RORA: variants seen among roughly 807,000 people sequenced by gnomAD.
The protein encoded by RORA is RAR related orphan receptor A.
A neutral mutation model predicts 69.5 loss-of-function variants in RORA; 7 were observed. The ratio of observed to expected loss-of-function variants is 0.10; its 90% confidence interval spans 0.06 to 0.19. RORA has a LOEUF of 0.19. Among genes scored for constraint, RORA ranks in the 10% least tolerant of loss-of-function variants. The probability of loss-of-function intolerance (pLI) is 1.00; values close to 1 mark genes in which losing one functional copy is unlikely to be tolerated. For missense variants in RORA, 457 were observed against 663.0 expected (o/e 0.69, Z 3.41); for synonymous variants, 261 against 240.8 (o/e 1.08, Z -0.78).
At chr15:60,780,365 C>T (rs2072235738) in intron 1 of RORA, among the ~76,000 whole-genome samples, 1 of 152,158 alleles carries the variant, frequency 6.6e-6, no homozygotes, top group African/African-American at 2.4e-5. Flanking sequence ...AACCACTGGG[C>T]TGGTCTAGAG....
At chr15:60,874,303 A>T (rs2073590535) in intron 1 of RORA, among the ~76,000 whole-genome samples, 1 of 152,148 alleles carries the variant, frequency 6.6e-6, no homozygotes, top group Non-Finnish European at 1.5e-5. Flanking sequence ...TTTTTTTCAA[A>T]AATATGCATT....
At chr15:61,102,761 C>A (rs1382874604) in intron 1 of RORA, among the ~76,000 whole-genome samples, 2 of 152,172 alleles carry the variant, frequency 1.3e-5, no homozygotes, top group African/African-American at 4.8e-5. Flanking sequence ...CTTTCTTTAA[C>A]ATACAACATT....
At chr15:61,160,804 A>G (rs777550063) in intron 1 of RORA, among the ~76,000 whole-genome samples, 2 of 152,206 alleles carry the variant, frequency 1.3e-5, no homozygotes, top group Admixed American at 6.6e-5. Flanking sequence ...CGAAGACATA[A>G]AAGTCACAAT....
In RORA at chr15:61,211,294, A is replaced by AT. The variant is rs1567039331; in HGVS notation, c.166+17758_166+17759insA. Among the ~76,000 whole-genome samples, 270 of 110,728 alleles carry AT rather than the reference A, an allele frequency of 2.4e-3. 1 individual carries two copies. The highest frequency in any genetic ancestry group is 7.5e-3 in the African/African-American group (251 of 33,574). 72.6% of individuals were successfully genotyped at this position (110,728 alleles called of 152,430 possible). A position where few individuals can be genotyped will look rare whatever the true frequency, so the allele number is the denominator to read the frequency against. On this transcript the variant is annotated intron_variant, in intron 1 of 10. Transcript: ENST00000335670. The stretch of plus-strand genomic sequence containing the variant: ...AGAAGAAAACAACAGCAAAAAAAAA[A>AT]AAAAAAAAAGGATCATCACAGAATC...
chr15:60,517,243 C>G (rs1342270850), intron 3 of RORA, among the ~76,000 whole-genome samples: 2 of 151,548 alleles, frequency 1.3e-5, no homozygotes, highest in African/African-American at 4.9e-5. Context: ...ACCTCAGTTT[C>G]CAGTTCTTTG....
intron 1 of RORA, among the ~76,000 whole-genome samples, chr15:61,105,658 T>G (rs1213859285): frequency 6.6e-6 from 1 of 152,184 alleles, no homozygotes; most frequent in Non-Finnish European, 1.5e-5. Flanking sequence ...TGCAGGGGCA[T>G]GTGGACACCA....
chr15:61,016,010 T>A (rs28576134), intron 1 of RORA, among the ~76,000 whole-genome samples: 24,250 of 152,088 alleles, frequency 0.16, 2,011 homozygotes, highest in East Asian at 0.2. Context: ...ATCGGAGAGA[T>A]GACTGCAGGA....
chr15:60,527,686 T>C lies in RORA; in HGVS notation c.282+4080A>G, dbSNP rs188730463. Among the ~76,000 whole-genome samples the C allele has an allele frequency of 7.2e-5, 11 of 152,360 alleles. No homozygotes were observed. The East Asian group carries it at 1.7e-3, about 24-fold the overall frequency. On this transcript the variant is annotated intron_variant, in intron 3 of 10. Transcript: ENST00000335670. Reference sequence around the variant, plus strand: ...GAAGCAGTGCCAATACATTGTTCCCTGATTCTTTCAAGAGAACAAGTAAAA... The same window carrying C: ...GAAGCAGTGCCAATACATTGTTCCCCGATTCTTTCAAGAGAACAAGTAAAA...
intron 1 of RORA, among the ~76,000 whole-genome samples, chr15:61,169,942 C>T (rs1206638845): frequency 6.6e-6 from 1 of 152,176 alleles, no homozygotes; most frequent in Non-Finnish European, 1.5e-5. Flanking sequence ...AGGCAGTCCT[C>T]ACTCTGCAGG....
chr15:60,612,512 T>C (rs1351464515), intron 2 of RORA, among the ~76,000 whole-genome samples: 1 of 152,150 alleles, frequency 6.6e-6, no homozygotes, highest in East Asian at 1.9e-4. Context: ...TGTTCCTGAA[T>C]TGTCATTCTT....
chr15:60,691,698 A>C (rs1397535567), intron 1 of RORA, among the ~76,000 whole-genome samples: 2 of 152,190 alleles, frequency 1.3e-5, no homozygotes, highest in African/African-American at 2.4e-5. Flanking sequence ...CCCAAAGCAA[A>C]GGTCAGGCAA....
chr15:61,116,709 G>C (rs572975566), intron 1 of RORA, among the ~76,000 whole-genome samples: 407 of 152,286 alleles, frequency 2.7e-3, no homozygotes, highest in Middle Eastern at 0.01. Flanking sequence ...CTGGGTGCTG[G>C]GTGAGTTCTG....
intron 2 of RORA, among the ~76,000 whole-genome samples, chr15:60,609,019 T>G (rs1426011783): frequency 6.6e-6 from 1 of 152,202 alleles, no homozygotes; most frequent in Non-Finnish European, 1.5e-5. Flanking sequence ...CTTGCAGTTA[T>G]GTCTCTTCAT....
At chr15:61,108,279 T>C (rs1258442357) in intron 1 of RORA, among the ~76,000 whole-genome samples, 1 of 152,226 alleles carries the variant, frequency 6.6e-6, no homozygotes, top group Non-Finnish European at 1.5e-5. Flanking sequence ...GATTCTTAAG[T>C]GTCTAAGGAG....
chr15:61,079,953 TACTC>T (rs1205282205), intron 1 of RORA, among the ~76,000 whole-genome samples: 1 of 152,182 alleles, frequency 6.6e-6, no homozygotes, highest in Non-Finnish European at 1.5e-5. Flanking sequence ...GAGATCATAA[TACTC>T]ATAATAGGAT....
At chr15:60,794,590 T>C (rs2072464917) in intron 1 of RORA, among the ~76,000 whole-genome samples, 1 of 152,172 alleles carries the variant, frequency 6.6e-6, no homozygotes, top group African/African-American at 2.4e-5. Flanking sequence ...TATCCAAACC[T>C]CCACTGACGT....
chr15:60,657,242 C>A (rs2070234666), intron 2 of RORA, among the ~76,000 whole-genome samples: 1 of 152,074 alleles, frequency 6.6e-6, no homozygotes, highest in Non-Finnish European at 1.5e-5. Flanking sequence ...CTTTCTTCTC[C>A]TCCTCCTCTC....
chr15:60,927,209 C>A (rs201786950), intron 1 of RORA, among the ~76,000 whole-genome samples: 2 of 152,148 alleles, frequency 1.3e-5, no homozygotes, highest in East Asian at 3.9e-4. Context: ...CAGTTCCCTA[C>A]TAGCTGCCAG....
At chr15:60,895,117 G>A (rs1355475427) in intron 1 of RORA, among the ~76,000 whole-genome samples, 1 of 152,142 alleles carries the variant, frequency 6.6e-6, no homozygotes, top group Non-Finnish European at 1.5e-5. Context: ...ATAGAAAGTA[G>A]GGCTCGATTT....
Sources: gnomAD v4.1 joint callset for allele counts (sites outside exome capture counted in the v4.1 genomes callset) on GRCh38, gnomAD v4.1.1 for gene constraint, MANE v1.5 for transcripts, NCBI Gene and HGNC (gene_info 2026-07-23, HGNC 2026-07-21) for gene names.